Variants in SCRG1 observed in about 807,000 individuals in gnomAD.
SCRG1 encodes stimulator of chondrogenesis 1, also known as scrapie-responsive protein 1.
In SCRG1, 3 loss-of-function variants were observed where a neutral mutation model predicts 7.7. The ratio of observed to expected loss-of-function variants is 0.39; its 90% CI spans 0.18 to 1.01. The LOEUF is 1.01. Among genes scored for constraint, SCRG1 ranks in the 50% least tolerant of loss-of-function variants. The probability of loss-of-function intolerance (pLI) is 0.36; values close to 1 mark genes in which losing one functional copy is unlikely to be tolerated. For synonymous variants in SCRG1, 46 were observed against 41.2 expected (o/e 1.12, Z -0.44); for missense variants, 110 against 117.2 (o/e 0.94, Z 0.28).
chr4:173,506,156 G>A, the SCRG1 span, among the ~76,000 whole-genome samples: 430 of 152,324 alleles, frequency 2.8e-3, 2 homozygotes, highest in Non-Finnish European at 4.2e-3. This position sits in a 1 kb window ranked among gnomAD's most constrained non-coding sequence, Gnocchi z 5.3. Context: ...CACATGTATG[G>A]TAGGACTCTG....
At chr4:173,394,198 C>T (rs1258888942) in intron 1 of SCRG1, among the ~76,000 whole-genome samples, 1 of 151,888 alleles carries the variant, frequency 6.6e-6, no homozygotes, top group South Asian at 2.1e-4. Context: ...TGGTGCTTTT[C>T]CCCCCTGCCT....
chr4:173,494,414 G>T, the SCRG1 span, among the ~76,000 whole-genome samples: 1 of 152,180 alleles, frequency 6.6e-6, no homozygotes, highest in Non-Finnish European at 1.5e-5. Context: ...TGCGACAGGT[G>T]CGGAAGAAGA....
the SCRG1 span, among the ~76,000 whole-genome samples, chr4:173,441,632 T>C: frequency 6.6e-6 from 1 of 152,232 alleles, no homozygotes; most frequent in South Asian, 2.1e-4. Context: ...ATAAACTTTG[T>C]TGAGTATTAA....
At chr4:173,430,394 G>A in the SCRG1 span, among the ~76,000 whole-genome samples, 1 of 152,044 alleles carries the variant, frequency 6.6e-6, no homozygotes, top group African/African-American at 2.4e-5. Flanking sequence ...TAATATGAGT[G>A]ACTAAAAGCC....
the SCRG1 span, among the ~76,000 whole-genome samples, chr4:173,436,740 G>A: frequency 5.3e-5 from 8 of 152,286 alleles, no homozygotes; most frequent in South Asian, 2.1e-4. Flanking sequence ...TGTAGGGTAC[G>A]TTTACCTGTT....
chr4:173,468,195 G>C, the SCRG1 span: 1 of 152,092 alleles, frequency 6.6e-6, no homozygotes, highest in African/African-American at 2.4e-5. Flanking sequence ...TCTATGTTTA[G>C]ATATGTTTAG....
the SCRG1 span, among the ~76,000 whole-genome samples, chr4:173,516,764 C>A: frequency 6.6e-6 from 1 of 152,164 alleles, no homozygotes; most frequent in Admixed American, 6.5e-5. Flanking sequence ...TAAATTACCC[C>A]GCGCGCTGAC....
At chr4:173,477,018 A>G in the SCRG1 span, among the ~76,000 whole-genome samples, 2 of 152,252 alleles carry the variant, frequency 1.3e-5, no homozygotes, top group South Asian at 4.1e-4. Flanking sequence ...TTTTACCTGG[A>G]ACAGAAGGAA....
At chr4:173,514,236 TG>T in the SCRG1 span, among the ~76,000 whole-genome samples, 20 of 152,238 alleles carry the variant, frequency 1.3e-4, no homozygotes, top group Admixed American at 1.3e-3. Flanking sequence ...TAAAGCCATT[TG>T]CTCCTCCAGT....
chr4:173,510,145 C>A, the SCRG1 span, among the ~76,000 whole-genome samples: 1 of 152,096 alleles, frequency 6.6e-6, no homozygotes, highest in Non-Finnish European at 1.5e-5. This position sits in a 1 kb window ranked among gnomAD's most constrained non-coding sequence, Gnocchi z 5.7. Context: ...TTATTACTAG[C>A]ATATTTTACA....
chr4:173,401,977 G>A (rs1739773045), upstream of SCRG1, among the ~76,000 whole-genome samples: 1 of 152,138 alleles, frequency 6.6e-6, no homozygotes, highest in Non-Finnish European at 1.5e-5. Flanking sequence ...TTAATTTGTG[G>A]CTCAAATCTG....
chr4:173,509,397 TC>T, the SCRG1 span, among the ~76,000 whole-genome samples: 1 of 152,042 alleles, frequency 6.6e-6, no homozygotes, highest in Non-Finnish European at 1.5e-5. This position sits in a 1 kb window ranked among gnomAD's most constrained non-coding sequence, Gnocchi z 5.7. Flanking sequence ...CTGGCGCTTT[TC>T]CTCCCCGGGA....
At chr4:173,505,418 T>C in the SCRG1 span, among the ~76,000 whole-genome samples, 7 of 152,146 alleles carry the variant, frequency 4.6e-5, no homozygotes, top group African/African-American at 1.7e-4. The surrounding 1 kb of genome is among the most constrained non-coding windows in gnomAD (Gnocchi z 4.4). Flanking sequence ...ATTCTTGTAC[T>C]GATTCTTGTA....
the SCRG1 span, among the ~76,000 whole-genome samples, chr4:173,416,682 C>G: frequency 6.6e-6 from 1 of 151,998 alleles, no homozygotes; most frequent in Non-Finnish European, 1.5e-5. Flanking sequence ...AAAGTCAAAC[C>G]TAGAAAGCGT....
chr4:173,485,022 T>TTATA, the SCRG1 span, among the ~76,000 whole-genome samples: 451 of 32,244 alleles, frequency 0.014, 77 homozygotes, highest in African/African-American at 0.057. Context: ...ATATAATATA[T>TTATA]AATATATTAT....
At chr4:173,430,214 A>G in the SCRG1 span, among the ~76,000 whole-genome samples, 1 of 152,228 alleles carries the variant, frequency 6.6e-6, no homozygotes, top group African/African-American at 2.4e-5. Context: ...GGCCTGATCT[A>G]CTAGGAAAAG....
chr4:173,477,540 T>C, the SCRG1 span, among the ~76,000 whole-genome samples: 74 of 152,194 alleles, frequency 4.9e-4, no homozygotes, highest in Non-Finnish European at 9.1e-4. Context: ...CCAAGCAGCT[T>C]TCAATTGTAG....
upstream of SCRG1, among the ~76,000 whole-genome samples, chr4:173,406,886 T>C (rs900060174): frequency 3.3e-5 from 5 of 152,200 alleles, no homozygotes; most frequent in African/African-American, 1.2e-4. Context: ...GGAGGACATC[T>C]TGGTTGCGTA....
At chr4:173,495,183 C>T in the SCRG1 span, among the ~76,000 whole-genome samples, 7 of 152,308 alleles carry the variant, frequency 4.6e-5, no homozygotes, top group South Asian at 6.2e-4. Flanking sequence ...TATTATTATA[C>T]GATATCGTCG....
Sources: allele counts gnomAD v4.1 joint callset (sites outside exome capture counted in the v4.1 genomes callset), GRCh38; gene constraint gnomAD v4.1.1; non-coding constraint Gnocchi (gnomAD v3.1); transcripts MANE v1.5; gene names NCBI Gene and HGNC (gene_info 2026-07-23, HGNC 2026-07-21).